Variants in DLGAP2 observed in about 807,000 individuals in gnomAD.
DLGAP2 encodes DLG associated protein 2, also known as disks large-associated protein 2.
Under a neutral mutation model 100.3 loss-of-function variants are expected in DLGAP2, and 26 were observed. The ratio of observed to expected loss-of-function variants is 0.26; its 90% CI spans 0.19 to 0.36. The LOEUF is 0.36. Among genes scored for constraint, DLGAP2 ranks in the 10% least tolerant of loss-of-function variants. The probability of loss-of-function intolerance (pLI) is 1.00; values close to 1 mark genes in which losing one functional copy is unlikely to be tolerated. For missense variants in DLGAP2, 1,858 were observed against 1,453.2 expected (o/e 1.28, Z -4.53); for synonymous variants, 886 against 630.1 (o/e 1.41, Z -6.08).
chr8:909,728 G>C (rs1798447703), intron 2 of DLGAP2, among the ~76,000 whole-genome samples: 1 of 152,156 alleles, frequency 6.6e-6, no homozygotes, highest in African/African-American at 2.4e-5. Context: ...ATAAGGGAAG[G>C]AGTGGCTCCA....
intron 3 of DLGAP2, among the ~76,000 whole-genome samples, chr8:1,290,763 C>T (rs1439562515): frequency 6.6e-6 from 1 of 152,182 alleles, no homozygotes; most frequent in East Asian, 1.9e-4. Context: ...ATGCTGCGTG[C>T]ACAAAGCTTA....
Position 858,367 on chromosome 8 carries a change from C to G in DLGAP2, c.19-49545C>G, listed in dbSNP as rs73673023. On this transcript the variant is annotated intron_variant, in intron 1 of 14. Coordinates refer to ENST00000637795, the MANE Select transcript of DLGAP2 (RefSeq NM_001346810.2). ...TGTAGGATTCCGACTGCATGGCATTCTGGAAAAGACAGAACTGTGCAGACA... is the reference window on the plus strand; with the variant it reads ...TGTAGGATTCCGACTGCATGGCATTGTGGAAAAGACAGAACTGTGCAGACA... 1.1e-3 allele frequency among the ~76,000 whole-genome samples: 161 copies of G among 152,382 alleles called. 1 individual carries two copies. Among genetic ancestry groups the G allele is most frequent in the African/African-American group, 3.1e-3 (128 of 41,594 alleles).
intron 3 of DLGAP2, among the ~76,000 whole-genome samples, chr8:1,414,120 AG>A (rs986307670): frequency 6.6e-6 from 1 of 152,188 alleles, no homozygotes; most frequent in Non-Finnish European, 1.5e-5. Flanking sequence ...TCAGAGTTGC[AG>A]GCTGTTGAGA....
At chr8:1,340,001 G>A (rs751816483) in intron 3 of DLGAP2, among the ~76,000 whole-genome samples, 1 of 152,150 alleles carries the variant, frequency 6.6e-6, no homozygotes, top group African/African-American at 2.4e-5. Context: ...GTTTAGAAAG[G>A]GTTCCTTATT....
intron 3 of DLGAP2, among the ~76,000 whole-genome samples, chr8:1,483,922 A>G (rs568720896): frequency 3.2e-4 from 48 of 152,250 alleles, no homozygotes; most frequent in African/African-American, 1.1e-3. Flanking sequence ...TGAGAATGAA[A>G]CTCCTTTTAA....
chr8:1,287,985 AGT>A (rs1325191713), intron 3 of DLGAP2, among the ~76,000 whole-genome samples: 3 of 30,362 alleles, frequency 9.9e-5, no homozygotes, highest in African/African-American at 8.1e-4. Context: ...GTTTCGGTTG[AGT>A]GTGTGTGTGT....
At chr8:1,285,551 C>G (rs925740504) in intron 3 of DLGAP2, among the ~76,000 whole-genome samples, 4 of 151,976 alleles carry the variant, frequency 2.6e-5, no homozygotes, top group Non-Finnish European at 5.9e-5. Context: ...AGTCCACTGC[C>G]CACGTGAACA....
At chr8:1,596,813 C>G (rs1395338245) in intron 6 of DLGAP2, among the ~76,000 whole-genome samples, 1 of 152,014 alleles carries the variant, frequency 6.6e-6, no homozygotes, top group Non-Finnish European at 1.5e-5. Context: ...ACATTTTCTC[C>G]CATTCTGTAG....
intron 1 of DLGAP2, among the ~76,000 whole-genome samples, chr8:794,108 G>A (rs1477642409): frequency 6.6e-6 from 1 of 151,218 alleles, no homozygotes; most frequent in Non-Finnish European, 1.5e-5. Context: ...TGCAGGACAG[G>A]GTCCCTTGTG....
rs1563131713 is a variant in DLGAP2 at position 990,317 on chromosome 8, TGCA to T, written c.73+82352_73+82354del. Among the ~76,000 whole-genome samples the T allele has an allele frequency of 6.4e-3, 945 of 146,830 alleles. 12 individuals carry two copies. Among genetic ancestry groups the T allele is most frequent in the South Asian group, 0.02 (93 of 4,638 alleles). ...TTCTATGAAAGTGGCCCAGACCCCC[TGCA>T]CCCCCATACTCGGAGTTCCTGTTCT... On this transcript the variant is annotated intron_variant, in intron 2 of 14. Transcript: ENST00000637795.
chr8:1,464,332 G>GTA, intron 3 of DLGAP2, among the ~76,000 whole-genome samples: 1 of 43,180 alleles, frequency 2.3e-5, no homozygotes, highest in Non-Finnish European at 4.2e-5. Context: ...CTTCCAGGAC[G>GTA]GCACCCTTCC....
intron 1 of DLGAP2, among the ~76,000 whole-genome samples, chr8:809,764 G>C (rs1796337551): frequency 1.3e-5 from 2 of 152,172 alleles, no homozygotes; most frequent in South Asian, 4.1e-4. Flanking sequence ...AGCGTGACCA[G>C]AGGAAAGGGA....
chr8:755,406 C>A (rs1820895444), intron 1 of DLGAP2, among the ~76,000 whole-genome samples: 1 of 152,142 alleles, frequency 6.6e-6, no homozygotes, highest in Non-Finnish European at 1.5e-5. Flanking sequence ...TTGCAGTGAG[C>A]TGTGATTGCC....
intron 3 of DLGAP2, chr8:1,381,297 T>G (rs1027239415): frequency 2.0e-5 from 3 of 152,178 alleles, no homozygotes; most frequent in Non-Finnish European, 2.9e-5. Context: ...TTGGCAAAGA[T>G]TAATACTAGC....
At chr8:1,011,712 G>A (rs1801293946) in intron 2 of DLGAP2, among the ~76,000 whole-genome samples, 1 of 149,214 alleles carries the variant, frequency 6.7e-6, no homozygotes. Context: ...AGGAGTCTCA[G>A]TCTACACAGT....
intron 2 of DLGAP2, among the ~76,000 whole-genome samples, chr8:1,043,837 C>T (rs1216888949): frequency 2.0e-5 from 3 of 151,964 alleles, no homozygotes; most frequent in African/African-American, 7.3e-5. Context: ...GTTAGAAGGA[C>T]ACAGTAAGGC....
At chr8:1,341,628 A>T (rs987070595) in intron 3 of DLGAP2, among the ~76,000 whole-genome samples, 17 of 152,186 alleles carry the variant, frequency 1.1e-4, no homozygotes, top group Non-Finnish European at 1.0e-4. Flanking sequence ...TAATCTTTGC[A>T]GGTAAATATG....
chr8:841,319 G>A (rs138280740), intron 1 of DLGAP2, among the ~76,000 whole-genome samples: 1 of 152,256 alleles, frequency 6.6e-6, no homozygotes, highest in African/African-American at 2.4e-5. Flanking sequence ...TCATCCTGAC[G>A]CTCACACTTG....
In DLGAP2 at chr8:1,253,631, A is replaced by G. The variant is rs1277650878; in HGVS notation, c.74-5220A>G. On this transcript the variant is annotated intron_variant, in intron 2 of 14. Coordinates refer to ENST00000637795, the MANE Select transcript of DLGAP2 (RefSeq NM_001346810.2). ...GTTCACGTGTGGAGCTCGGGGAATG[A>G]GCCGGTTCTCAGCGGGCTGCGTGTG... 1.2e-4 allele frequency among the ~76,000 whole-genome samples: 15 copies of G among 122,126 alleles called. No homozygotes were observed. In the Admixed American group the frequency reaches 1.3e-3, roughly 10 times the overall value. 80.1% of individuals were successfully genotyped at this position (122,126 alleles called of 152,430 possible).
Sources: allele counts gnomAD v4.1 joint callset (sites outside exome capture counted in the v4.1 genomes callset), GRCh38; gene constraint gnomAD v4.1.1; transcripts MANE v1.5; gene names NCBI Gene and HGNC (gene_info 2026-07-23, HGNC 2026-07-21).